YTHDC1: variants seen among roughly 807,000 people sequenced by gnomAD.
YTHDC1 encodes the protein YTH N6-methyladenosine RNA binding protein C1.
A neutral mutation model predicts 107.0 loss-of-function variants in YTHDC1; 12 were observed. The observed-to-expected ratio is 0.11, with a 90% CI of 0.07 to 0.18. The LOEUF is 0.18. Among genes scored for constraint, YTHDC1 ranks in the 10% least tolerant of loss-of-function variants. YTHDC1 has a pLI of 1.00. For missense variants in YTHDC1, 635 were observed against 898.8 expected, an observed-to-expected ratio of 0.71 and a Z score of 3.75; for synonymous variants, 280 against 289.5, an observed-to-expected ratio of 0.97 and a Z score of 0.33.
intron 4 of YTHDC1, 42 bp from the exon 5 acceptor site, chr4:68,333,439 A>C: frequency 7.1e-7 from 1 of 1,406,032 alleles, no homozygotes; most frequent in Non-Finnish European, 9.9e-7. Context: ...ACAATACAGA[A>C]ACGAAGAGAA....
Position 68,337,193 on chromosome 4 carries a change from T to TTCCTCC in YTHDC1, c.711_716dup (p.Glu248_Glu249dup), listed in dbSNP as rs568654350. ...CTTCTTCCTCCTCCTCCTCCTCCTC[T>TTCCTCC]TCCTCCTCCTCCTCTTCCTCCTCCT... On this transcript the variant is annotated inframe_insertion, in exon 4 of 17. Coordinates refer to ENST00000344157, the MANE Select transcript of YTHDC1 (RefSeq NM_001031732.4). 1 of 1,575,026 alleles carries TTCCTCC rather than the reference T, an allele frequency of 6.3e-7. No homozygotes were observed. The highest frequency in any genetic ancestry group is 1.1e-5 in the South Asian group (1 of 90,008).
chr4:68,349,340 G>A (rs987812715), intron 1 of YTHDC1, among the ~76,000 whole-genome samples: 2 of 149,442 alleles, frequency 1.3e-5, no homozygotes, highest in African/African-American at 5.0e-5. Flanking sequence ...CGGCATTAGG[G>A]GTTTTCAAAT....
intron 9 of YTHDC1, among the ~76,000 whole-genome samples, chr4:68,324,613 A>G (rs1722786481): frequency 6.6e-6 from 1 of 152,214 alleles, no homozygotes; most frequent in Admixed American, 6.5e-5. Flanking sequence ...CAAAAAACTT[A>G]AAAACTGACC....
chr4:68,335,973 A>G (rs1374309618), intron 4 of YTHDC1, among the ~76,000 whole-genome samples: 2 of 149,288 alleles, frequency 1.3e-5, no homozygotes, highest in Non-Finnish European at 3.0e-5. Context: ...TGTATGTAGT[A>G]TAGATATATA....
rs1000476282 is a variant in YTHDC1, at chr4:68,322,574, T to C, written c.1601+175A>G. The C allele has an allele frequency of 2.8e-6, 2 of 721,058 alleles. No homozygotes were observed. Among genetic ancestry groups the C allele is most frequent in the Admixed American group, 6.2e-5 (2 of 32,146 alleles). 44.7% of individuals were successfully genotyped at this position (721,058 alleles called of 1,614,324 possible). A position where few individuals can be genotyped will look rare whatever the true frequency, so the allele number is the denominator to read the frequency against. The stretch of plus-strand genomic sequence containing the variant: ...CCCCATTTTCCTCTTGAAAAATGAC[T>C]GAGACCAAGGTGACCATGTGAAATC... On this transcript the variant is annotated intron_variant, in intron 11 of 16. Transcript: ENST00000344157. The surrounding 1 kb of genome is among the most constrained non-coding windows in gnomAD (Gnocchi z 4.8).
intron 1 of YTHDC1, among the ~76,000 whole-genome samples, chr4:68,347,691 A>AT (rs1359208533): frequency 1.3e-5 from 2 of 152,174 alleles, no homozygotes; most frequent in African/African-American, 2.4e-5. Flanking sequence ...CATGACTGAG[A>AT]TTTTTAGAGG....
chr4:68,328,968 T>C (rs1723281549), intron 9 of YTHDC1, among the ~76,000 whole-genome samples: 1 of 152,240 alleles, frequency 6.6e-6, no homozygotes. Flanking sequence ...AATATGGTAT[T>C]ATAGGTACCT....
chr4:68,324,095 T>C (rs371043675), intron 10 of YTHDC1, 44 bp downstream of exon 10: 103 of 1,528,090 alleles, frequency 6.7e-5, no homozygotes, highest in Middle Eastern at 1.7e-4. Flanking sequence ...TCTAAAAGGG[T>C]TGATTAAATG....
At chr4:68,335,468 C>T (rs971579818) in intron 4 of YTHDC1, among the ~76,000 whole-genome samples, 2 of 152,106 alleles carry the variant, frequency 1.3e-5, no homozygotes, top group South Asian at 2.1e-4. Flanking sequence ...TTTGAAATGT[C>T]TTCTCCACAA....
At position 68,313,104 on chromosome 4, in the gene YTHDC1, T is replaced by C. The variant is rs1721431353; in HGVS notation, c.*995A>G. 1 of 152,216 alleles carries C rather than the reference T, an allele frequency of 6.6e-6. No individual in the cohort carries two copies. Among genetic ancestry groups the C allele is most frequent in the African/African-American group, 2.4e-5 (1 of 41,454 alleles). The allele number at this position is 152,216 out of a possible 1,614,324, so 9.4% of individuals were successfully genotyped here. A position where few individuals can be genotyped will look rare whatever the true frequency, so the allele number is the denominator to read the frequency against. On this transcript the variant is annotated 3_prime_UTR_variant, in exon 17 of 17. Coordinates refer to ENST00000344157, the MANE Select transcript of YTHDC1 (RefSeq NM_001031732.4). The stretch of plus-strand genomic sequence containing the variant: ...CTCAAAATGTTATCAGGTGTATAAA[T>C]ACTTAACCAAATTATTAACATAACT...
intron 12 of YTHDC1, among the ~76,000 whole-genome samples, chr4:68,319,293 G>T (rs1310424429): frequency 6.6e-6 from 1 of 152,150 alleles, no homozygotes; most frequent in Non-Finnish European, 1.5e-5. Context: ...TAAACTTAAG[G>T]GGGAGGGGGA....
At position 68,338,269 on chromosome 4, in the gene YTHDC1, G is replaced by C. The variant is rs1284578689; in HGVS notation, c.130+14C>G. 1 of 1,579,182 alleles carries C rather than the reference G, an allele frequency of 6.3e-7. No homozygotes were observed. Among genetic ancestry groups the C allele is most frequent in the East Asian group, 2.2e-5 (1 of 44,530 alleles). On this transcript the variant is annotated intron_variant, in intron 2 of 16. Coordinates refer to ENST00000344157, the MANE Select transcript of YTHDC1 (RefSeq NM_001031732.4). ...TACTGTTATTTCAACAAAAATAATAGAACTCTTACATACCCTTTTTCTCAT... is the reference window on the plus strand; with the variant it reads ...TACTGTTATTTCAACAAAAATAATACAACTCTTACATACCCTTTTTCTCAT...
chr4:68,345,051 T>C (rs1326513533), intron 1 of YTHDC1, among the ~76,000 whole-genome samples: 4 of 151,992 alleles, frequency 2.6e-5, no homozygotes, highest in Non-Finnish European at 5.9e-5. Flanking sequence ...ACAAAAAAAA[T>C]CATTATTTTT....
intron 12 of YTHDC1, among the ~76,000 whole-genome samples, chr4:68,319,201 C>T (rs950909557): frequency 3.3e-5 from 5 of 152,138 alleles, no homozygotes; most frequent in African/African-American, 1.2e-4. Flanking sequence ...TATGACAGGA[C>T]TTCCTTAAAA....
rs1475115545 is a variant in YTHDC1, at chr4:68,311,556, T to C, written c.*2543A>G. ...ACAAAAGCTGTCATGTGTACGAATATTAAATAAAACATACTGATTTTTATA... is the reference window on the plus strand; with the variant it reads ...ACAAAAGCTGTCATGTGTACGAATACTAAATAAAACATACTGATTTTTATA... On this transcript the variant is annotated 3_prime_UTR_variant, in exon 17 of 17. Transcript: ENST00000344157. The C allele has an allele frequency of 6.6e-6, 1 of 152,194 alleles. No individual in the cohort carries two copies. The highest frequency in any genetic ancestry group is 2.4e-5 in the African/African-American group (1 of 41,438). The allele number at this position is 152,194 out of a possible 1,614,324, so 9.4% of individuals were successfully genotyped here.
At chr4:68,338,025 T>A in intron 2 of YTHDC1, 125 bp from the exon 3 acceptor site, 2 of 1,462,470 alleles carry the variant, frequency 1.4e-6, no homozygotes, top group Non-Finnish European at 1.8e-6. Context: ...AAAAGTCTTC[T>A]GAGAGATTTC....
Position 68,337,655 on chromosome 4 carries a change from A to G in YTHDC1, c.376T>C (p.Tyr126His). 6.2e-7 allele frequency: 1 copy of G among 1,614,084 alleles called. No individual in the cohort carries two copies. The highest frequency in any genetic ancestry group is 8.5e-7 in the Non-Finnish European group (1 of 1,180,018). Residue 126 changes from tyrosine to histidine, a missense_variant, in exon 3 of 17, where the codon TAT (tyrosine) becomes CAT (histidine). This residue lies in a region of YTHDC1 where 294 missense variants were observed against 312.3 expected (regional missense o/e 0.94). Coordinates refer to ENST00000344157, the MANE Select transcript of YTHDC1 (RefSeq NM_001031732.4). ...RLSSSASREP[Y>H]KNQPEKTCVR... Reference sequence around the variant, plus strand: ...CAGGTTTTTTCAGGTTGATTCTTATAAGGTTCTCTGGAGGCACTACTTGAT... The same window carrying G: ...CAGGTTTTTTCAGGTTGATTCTTATGAGGTTCTCTGGAGGCACTACTTGAT...
rs1373552187 is a variant in YTHDC1 at position 68,312,460 on chromosome 4, T to C, written c.*1639A>G. 1 of 152,218 alleles carries C rather than the reference T, an allele frequency of 6.6e-6. No homozygotes were observed. Among genetic ancestry groups the C allele is most frequent in the Non-Finnish European group, 1.5e-5 (1 of 68,038 alleles). The allele number at this position is 152,218 out of a possible 1,614,324, so 9.4% of individuals were successfully genotyped here. On this transcript the variant is annotated 3_prime_UTR_variant, in exon 17 of 17. Coordinates refer to ENST00000344157, the MANE Select transcript of YTHDC1 (RefSeq NM_001031732.4). ...TGCCAATGAAGTGACTTACCATGTA[T>C]CACTAACCGGTTTAATTAAAGACAA...
At position 68,313,907 on chromosome 4, in the gene YTHDC1, T is replaced by C. The variant is rs1721522599; in HGVS notation, c.*192A>G. 1 of 625,544 alleles carries C rather than the reference T, an allele frequency of 1.6e-6. No homozygotes were observed. Among genetic ancestry groups the C allele is most frequent in the Non-Finnish European group, 2.8e-6 (1 of 361,334 alleles). 38.7% of individuals were successfully genotyped at this position (625,544 alleles called of 1,614,324 possible). ...GTCAATTCAACTGTCAGCTGTGGAT[T>C]TTTGGCGGATTTGAGTTTTTCCAGT... On this transcript the variant is annotated 3_prime_UTR_variant, in exon 17 of 17. Transcript: ENST00000344157.
Sources: gnomAD v4.1 joint callset for allele counts (sites outside exome capture counted in the v4.1 genomes callset) on GRCh38, gnomAD v4.1.1 for gene constraint, gnomAD v4.1.1 regional missense constraint, Gnocchi (gnomAD v3.1) non-coding constraint, MANE v1.5 for transcripts, NCBI Gene and HGNC (gene_info 2026-07-23, HGNC 2026-07-21) for gene names.